AP1M1: variants seen among roughly 807,000 people sequenced by gnomAD.
The protein encoded by AP1M1 is AP-1 complex subunit mu-1.
Under a neutral mutation model 57.1 loss-of-function variants are expected in AP1M1, and 18 were observed. The observed-to-expected ratio is 0.32, with a 90% confidence interval of 0.22 to 0.47. The LOEUF (loss-of-function observed/expected upper bound fraction) is 0.47, where lower values mean the gene tolerates loss of function less well. Ranked by LOEUF, AP1M1 falls within the 20% of genes least tolerant of loss-of-function variation. The pLI is 1.00. For missense variants in AP1M1, 362 were observed against 593.5 expected, an observed-to-expected ratio of 0.61 and a Z score of 4.05; for synonymous variants, 241 against 237.9, an observed-to-expected ratio of 1.01 and a Z score of -0.12.
At chr19:16,220,819 C>G (rs2091540901) in intron 5 of AP1M1, among the ~76,000 whole-genome samples, 1 of 152,208 alleles carries the variant, frequency 6.6e-6, no homozygotes, top group Non-Finnish European at 1.5e-5. Context: ...TGGATATGGA[C>G]TTCTGAATTG....
chr19:16,229,065 G>A, intron 9 of AP1M1, 137 bp downstream of exon 9: 1 of 1,018,348 alleles, frequency 9.8e-7, no homozygotes, highest in Non-Finnish European at 1.4e-6. Context: ...CTTCTGAAAG[G>A]GTGGACGGAG....
intron 5 of AP1M1, chr19:16,210,330 A>G: frequency 1.4e-6 from 1 of 715,502 alleles, no homozygotes; most frequent in Non-Finnish European, 2.6e-6. Context: ...GTCCAGGTTT[A>G]TGTGTGGACA....
rs566168350 is a variant in AP1M1 at position 16,234,331 on chromosome 19, C to T, written c.1249+57C>T. On this transcript the variant is annotated intron_variant, in intron 11 of 11. Coordinates refer to ENST00000291439, the MANE Select transcript of AP1M1 (RefSeq NM_032493.4). ...GTACTGAGGGGTCCTCTGTGGCTGC[C>T]CCCAGGGTGGAGCCATCGGGTCGGG... The T allele has an allele frequency of 5.5e-5, 89 of 1,612,222 alleles. No homozygotes were observed. In the African/African-American group the frequency reaches 9.5e-4, roughly 17 times the overall value.
intron 6 of AP1M1, 173 bp downstream of exon 6, chr19:16,226,720 C>T (rs1447456762): frequency 1.1e-6 from 1 of 875,966 alleles, no homozygotes; most frequent in African/African-American, 1.7e-5. Flanking sequence ...CTTCCCTGGA[C>T]ATAGAAGGTG....
chr19:16,199,572 G>A (rs1008520673), intron 1 of AP1M1, among the ~76,000 whole-genome samples: 3 of 152,130 alleles, frequency 2.0e-5, no homozygotes, highest in Non-Finnish European at 4.4e-5. Flanking sequence ...AGAGTGAAGA[G>A]GTGAAATGGC....
In AP1M1 at chr19:16,208,096, C is replaced by T. The variant is rs374149290; in HGVS notation, c.345C>T (p.Asp115=). The part of the protein sequence containing the change: ...DNFVIIYELL[D]ELMDFGYPQT... ...TTGTTATCATCTACGAGCTGCTGGACGAGCTCATGGACTTCGGCTACCCCC... is the reference window on the plus strand; with the variant it reads ...TTGTTATCATCTACGAGCTGCTGGATGAGCTCATGGACTTCGGCTACCCCC... The change falls in exon 4 of 12, where the codon GAC becomes GAT. Residue 115 remains aspartate, a synonymous_variant. Coordinates refer to ENST00000291439, the MANE Select transcript of AP1M1 (RefSeq NM_032493.4). 8.1e-5 allele frequency: 130 copies of T among 1,613,670 alleles called. No homozygotes were observed. The highest frequency in any genetic ancestry group is 1.3e-4 in the African/African-American group (10 of 74,836).
In AP1M1 at chr19:16,206,476, C is replaced by T. The variant is rs2091470042; in HGVS notation, c.267+68C>T. The T allele has an allele frequency of 6.6e-7, 1 of 1,516,270 alleles. No homozygotes were observed. The highest frequency in any genetic ancestry group is 9.2e-7 in the Non-Finnish European group (1 of 1,092,878). 93.9% of individuals were successfully genotyped at this position (1,516,270 alleles called of 1,614,324 possible). ...TCTTGGCTCTGCTTGTGGACCTCCC[C>T]ATACCTGGCCACCCTACAGAGAGCT... On this transcript the variant is annotated intron_variant, in intron 3 of 11. Coordinates refer to ENST00000291439, the MANE Select transcript of AP1M1 (RefSeq NM_032493.4). The surrounding 1 kb of genome is among the most constrained non-coding windows in gnomAD (Gnocchi z 4.3).
In AP1M1 at chr19:16,243,060, C is replaced by A. The variant is rs2091650876; in HGVS notation, c.*8625C>A. ...TGCTAGTGGCAGGTGTGAGCCACCA[C>A]ACACGGCCAGAATAGACTTTAAAGC... is the stretch of plus-strand genomic sequence containing the variant. On this transcript the variant is annotated 3_prime_UTR_variant, in exon 12 of 12. Transcript: ENST00000291439. The A allele has an allele frequency of 6.6e-6, 1 of 152,072 alleles. No homozygotes were observed. Among genetic ancestry groups the A allele is most frequent in the South Asian group, 2.1e-4 (1 of 4,824 alleles). 9.4% of individuals were successfully genotyped at this position (152,072 alleles called of 1,614,324 possible). A position where few individuals can be genotyped will look rare whatever the true frequency, so the allele number is the denominator to read the frequency against.
Position 16,197,984 on chromosome 19 carries a change from C to CCGCCACCGCCCTCGGCCGCTGCCGA in AP1M1, c.-42_-18dup. The CCGCCACCGCCCTCGGCCGCTGCCGA allele has an allele frequency of 2.0e-6, 3 of 1,536,192 alleles. No homozygotes were observed. The highest frequency in any genetic ancestry group is 5.3e-5 in the East Asian group (2 of 38,026). ...CCAGCAGTCCCCACCGTCGCTGCCG[C>CCGCCACCGCCCTCGGCCGCTGCCGA]CGCCACCGCCCTCGGCCGCTGCCGA... On this transcript the variant is annotated 5_prime_UTR_variant, in exon 1 of 12. Transcript: ENST00000291439.
chr19:16,218,766 A>G (rs768042862), intron 5 of AP1M1, among the ~76,000 whole-genome samples: 6 of 152,200 alleles, frequency 3.9e-5, no homozygotes, highest in African/African-American at 7.2e-5. Context: ...TAAGCAAGGT[A>G]TAGAGGGAAG....
At position 16,241,430 on chromosome 19, in the gene AP1M1, C is replaced by T. The variant is rs1250037951; in HGVS notation, c.*6995C>T. The T allele has an allele frequency of 6.6e-6, 1 of 151,954 alleles. No homozygotes were observed. The highest frequency in any genetic ancestry group is 6.6e-5 in the Admixed American group (1 of 15,224). The allele number at this position is 151,954 out of a possible 1,614,324, so 9.4% of individuals were successfully genotyped here. ...AAGGAATGCCGGAAAACCTTAGAAA[C>T]CATTGGATCTGTCTAAACTGTCATT... On this transcript the variant is annotated 3_prime_UTR_variant, in exon 12 of 12. Transcript: ENST00000291439.
In AP1M1 at chr19:16,203,643, G is replaced by T; in HGVS notation, c.199+28G>T. The T allele has an allele frequency of 1.3e-6, 2 of 1,580,130 alleles. No homozygotes were observed. Among genetic ancestry groups the T allele is most frequent in the Non-Finnish European group, 1.7e-6 (2 of 1,161,420 alleles). On this transcript the variant is annotated intron_variant, in intron 2 of 11. Transcript: ENST00000291439. The surrounding 1 kb of genome is among the most constrained non-coding windows in gnomAD (Gnocchi z 4.6). ...ATCCCTTTGCTGGGGGTGCTCCCAGGGGACTCCTGTGTGGGTGTTGGTGTG... is the reference window on the plus strand; with the variant it reads ...ATCCCTTTGCTGGGGGTGCTCCCAGTGGACTCCTGTGTGGGTGTTGGTGTG...
In AP1M1 at chr19:16,206,863, A is replaced by G. The variant is rs1318072281; in HGVS notation, c.267+455A>G. Among the ~76,000 whole-genome samples the G allele has an allele frequency of 1.3e-5, 2 of 151,606 alleles. No individual in the cohort carries two copies. The highest frequency in any genetic ancestry group is 4.9e-5 in the African/African-American group (2 of 40,884). The stretch of plus-strand genomic sequence containing the variant: ...CCCAGGCTGCCAGTGAGACACAGAT[A>G]GCAGCCAGGGTGAAGGCGCCAGGAC... On this transcript the variant is annotated intron_variant, in intron 3 of 11. Coordinates refer to ENST00000291439, the MANE Select transcript of AP1M1 (RefSeq NM_032493.4). The surrounding 1 kb of genome is among the most constrained non-coding windows in gnomAD (Gnocchi z 4.3).
intron 9 of AP1M1, among the ~76,000 whole-genome samples, chr19:16,232,938 C>T (rs1382045443): frequency 1.3e-5 from 2 of 152,216 alleles, no homozygotes; most frequent in Non-Finnish European, 2.9e-5. Context: ...CCTGCTCACC[C>T]TCAGGAGCAG....
chr19:16,202,244 G>A (rs566132595), intron 1 of AP1M1, among the ~76,000 whole-genome samples: 3 of 152,304 alleles, frequency 2.0e-5, no homozygotes, highest in South Asian at 2.1e-4. Flanking sequence ...GATGGTCAGC[G>A]CCGCAATGGC....
At chr19:16,216,288 A>G (rs2091518665) in intron 5 of AP1M1, among the ~76,000 whole-genome samples, 2 of 152,288 alleles carry the variant, frequency 1.3e-5, no homozygotes, top group South Asian at 4.1e-4. Context: ...TACTAAAAAT[A>G]CAAAAAATTA....
intron 9 of AP1M1, among the ~76,000 whole-genome samples, chr19:16,231,212 C>T (rs1176835227): frequency 3.5e-5 from 5 of 143,838 alleles, no homozygotes; most frequent in African/African-American, 7.9e-5. Context: ...GGTGTGAACT[C>T]GGGAGGCGGA....
chr19:16,201,388 C>CTTTTTTT lies in AP1M1; in HGVS notation c.43-2049_43-2043dup, dbSNP rs57467734. On this transcript the variant is annotated intron_variant, in intron 1 of 11. Transcript: ENST00000291439. The stretch of plus-strand genomic sequence containing the variant: ...CAGCCAGAGCAAGCAGGGAGGATTT[C>CTTTTTTT]TTTTTTTTTTTTTTTTTTTTTTTTT... Among the ~76,000 whole-genome samples, 37 of 62,396 alleles carry CTTTTTTT rather than the reference C, an allele frequency of 5.9e-4. 1 individual carries two copies. Among genetic ancestry groups the CTTTTTTT allele is most frequent in the Non-Finnish European group, 8.5e-4 (29 of 33,970 alleles). 40.9% of individuals were successfully genotyped at this position (62,396 alleles called of 152,430 possible).
chr19:16,202,721 A>C (rs2091453874), intron 1 of AP1M1, among the ~76,000 whole-genome samples: 1 of 152,188 alleles, frequency 6.6e-6, no homozygotes, highest in Admixed American at 6.5e-5. Flanking sequence ...GTTTGTTTCT[A>C]GTTCACCTGC....
Sources: gnomAD v4.1 joint callset for allele counts (sites outside exome capture counted in the v4.1 genomes callset) on GRCh38, gnomAD v4.1.1 for gene constraint, Gnocchi (gnomAD v3.1) non-coding constraint, MANE v1.5 for transcripts, NCBI Gene and HGNC (gene_info 2026-07-23, HGNC 2026-07-21) for gene names.